The following SYNE1 variants were observed in gnomAD, a reference collection of about 807,000 sequenced individuals.
SYNE1 encodes spectrin repeat containing nuclear envelope protein 1, also known as nesprin-1.
SYNE1 carries 616 observed loss-of-function variants against 1,111.0 expected under a neutral mutation model. That is an observed-to-expected ratio of 0.55 (90% CI 0.52 to 0.59). The LOEUF is 0.59. SYNE1 is among the 20% of genes least tolerant of loss of function. The probability of loss-of-function intolerance (pLI) is 0.00; values close to 1 mark genes in which losing one functional copy is unlikely to be tolerated. For missense variants in SYNE1, 10,006 were observed against 10,417.0 expected (o/e 0.96, Z 1.72); for synonymous variants, 3,855 against 3,825.8 (o/e 1.01, Z -0.28).
chr6:152,255,271 T>C (rs2090530961), intron 103 of SYNE1, among the ~76,000 whole-genome samples, 182 bp from the exon 104 acceptor site: 1 of 152,224 alleles, frequency 6.6e-6, no homozygotes, highest in South Asian at 2.1e-4. Flanking sequence ...TCAGAGACTT[T>C]ACCTCATTCA....
intron 85 of SYNE1, 28 bp downstream of exon 85, chr6:152,318,835 T>C (rs1276797080): frequency 6.2e-7 from 1 of 1,613,372 alleles, no homozygotes. Context: ...ATTCATTCAG[T>C]AGTACCCTTT....
chr6:152,519,660 C>T (rs2099129380), intron 6 of SYNE1, among the ~76,000 whole-genome samples: 1 of 152,004 alleles, frequency 6.6e-6, no homozygotes, highest in African/African-American at 2.4e-5. Context: ...GCAAGTAGCA[C>T]AGAAATAATT....
chr6:152,563,053 TAC>T (rs34506864), intron 3 of SYNE1, among the ~76,000 whole-genome samples: 117 of 148,698 alleles, frequency 7.9e-4, no homozygotes, highest in Middle Eastern at 3.5e-3. Context: ...GGAAAAAGAG[TAC>T]ACACACACAC....
intron 133 of SYNE1, among the ~76,000 whole-genome samples, chr6:152,152,477 A>G (rs190462677): frequency 6.6e-6 from 1 of 152,342 alleles, no homozygotes; most frequent in Admixed American, 6.5e-5. Flanking sequence ...GGAAACAAAT[A>G]TTCCCACAAA....
intron 137 of SYNE1, chr6:152,145,913 T>G: frequency 3.0e-6 from 1 of 336,650 alleles, no homozygotes; most frequent in South Asian, 2.4e-5. Context: ...TAATCCCAGC[T>G]ACATGGGAGT....
At chr6:152,364,695 AG>A (rs2097024000) in intron 63 of SYNE1, 151 bp downstream of exon 63, 1 of 694,250 alleles carries the variant, frequency 1.4e-6, no homozygotes, top group African/African-American at 2.0e-5. Context: ...GGAGGAAGGA[AG>A]GAAGGAAGGA....
At chr6:152,156,299 A>G (rs112757428) in intron 131 of SYNE1, among the ~76,000 whole-genome samples, 125 of 152,352 alleles carry the variant, frequency 8.2e-4, no homozygotes, top group African/African-American at 2.0e-3. Flanking sequence ...TATTTTGGCT[A>G]TGCGAGCAAT....
chr6:152,291,519 T>C (rs958658416), intron 95 of SYNE1, among the ~76,000 whole-genome samples: 12 of 152,200 alleles, frequency 7.9e-5, no homozygotes, highest in African/African-American at 2.9e-4. Context: ...ATTAAATCCC[T>C]TGAACAGAAT....
chr6:152,383,592 T>C (rs185578183), intron 55 of SYNE1, among the ~76,000 whole-genome samples: 20 of 152,302 alleles, frequency 1.3e-4, no homozygotes, highest in Non-Finnish European at 2.2e-4. Context: ...TTTCCCCTCC[T>C]TTTTCTCTCT....
chr6:152,360,045 T>A (rs959539822), intron 64 of SYNE1, among the ~76,000 whole-genome samples: 2 of 152,228 alleles, frequency 1.3e-5, no homozygotes, highest in Non-Finnish European at 2.9e-5. Context: ...CCCAGGCAGA[T>A]TCCTGGCCAC....
At chr6:152,424,393 G>A (rs1362513501) in intron 39 of SYNE1, among the ~76,000 whole-genome samples, 3 of 152,162 alleles carry the variant, frequency 2.0e-5, no homozygotes, top group African/African-American at 7.2e-5. Context: ...TTCCCTCTAA[G>A]GGATAGGCAA....
chr6:152,473,108 C>A (rs1355505397), intron 14 of SYNE1, among the ~76,000 whole-genome samples: 3 of 152,128 alleles, frequency 2.0e-5, no homozygotes, highest in African/African-American at 7.2e-5. Context: ...TCATCATTTA[C>A]AAACTAATTT....
chr6:152,369,361 T>A, intron 60 of SYNE1, 110 bp downstream of exon 60: 5 of 1,524,206 alleles, frequency 3.3e-6, no homozygotes, highest in Non-Finnish European at 4.5e-6. Flanking sequence ...ACACACTATG[T>A]CTCACGGCAG....
At chr6:152,164,446 G>A (rs1268613718) in intron 130 of SYNE1, 121 bp from the exon 131 acceptor site, 4 of 1,174,028 alleles carry the variant, frequency 3.4e-6, no homozygotes, top group East Asian at 4.9e-5. Flanking sequence ...AACTCATGTG[G>A]AAGAAGCCAA....
At chr6:152,558,962 T>C (rs1458918698) in intron 3 of SYNE1, among the ~76,000 whole-genome samples, 5 of 150,928 alleles carry the variant, frequency 3.3e-5, no homozygotes, top group Non-Finnish European at 7.4e-5. Flanking sequence ...AAAACAAGTC[T>C]TAACATATTT....
intron 82 of SYNE1, among the ~76,000 whole-genome samples, chr6:152,322,258 A>G (rs1300504467): frequency 1.3e-5 from 2 of 152,214 alleles, no homozygotes; most frequent in African/African-American, 4.8e-5. Context: ...TAGTCTTTAA[A>G]GAAAAAAATC....
chr6:152,146,311 G>C (rs1011244104), intron 137 of SYNE1: 4 of 152,098 alleles, frequency 2.6e-5, no homozygotes, highest in Non-Finnish European at 5.9e-5. Flanking sequence ...AGGTTTCATA[G>C]CCACATTAGA....
intron 129 of SYNE1, 61 bp from the exon 130 acceptor site, chr6:152,176,621 C>A: frequency 6.6e-7 from 1 of 1,515,528 alleles, no homozygotes; most frequent in African/African-American, 1.4e-5. Flanking sequence ...TCCAGCCCAG[C>A]TCTACTAGAA....
In SYNE1 at chr6:152,409,697, G is replaced by A. The variant is rs778720476; in HGVS notation, c.6243C>T (p.Cys2081=). 2 of 1,613,610 alleles carry A rather than the reference G, an allele frequency of 1.2e-6. No individual in the cohort carries two copies. Among genetic ancestry groups the A allele is most frequent in the South Asian group, 2.2e-5 (2 of 91,074 alleles). ...KRLIHENQGQ[C]CGLIDLMREY... ...CTCTCATTAAGTCAATAAGTCCACA[G>A]CACTGACCCTGACTGTAATGATTAA... Residue 2081 remains cysteine, a synonymous_variant, in exon 43 of 146, where the codon TGC becomes TGT. Coordinates refer to ENST00000367255, the MANE Select transcript of SYNE1 (RefSeq NM_182961.4).
Sources: gnomAD v4.1 joint callset for allele counts (sites outside exome capture counted in the v4.1 genomes callset) on GRCh38, gnomAD v4.1.1 for gene constraint, MANE v1.5 for transcripts, NCBI Gene and HGNC (gene_info 2026-07-23, HGNC 2026-07-21) for gene names.